CREB3L1: variants seen among roughly 807,000 people sequenced by gnomAD.
CREB3L1 encodes the protein cAMP responsive element binding protein 3 like 1, also known as cyclic AMP-responsive element-binding protein 3-like protein 1.
A neutral mutation model predicts 54.5 loss-of-function variants in CREB3L1; 33 were observed. The observed-to-expected ratio is 0.61, with a 90% CI of 0.46 to 0.81. The LOEUF is 0.81. Among genes scored for constraint, CREB3L1 ranks in the 30% least tolerant of loss-of-function variants. CREB3L1 has a pLI of 0.00. For synonymous variants in CREB3L1, 284 were observed against 286.4 expected (o/e 0.99, Z 0.08); for missense variants, 656 against 673.3 (o/e 0.97, Z 0.29).
At chr11:46,309,950 CA>C (rs1939459166) in intron 3 of CREB3L1, 38 bp from the exon 4 acceptor site, 2 of 1,528,032 alleles carry the variant, frequency 1.3e-6, no homozygotes, top group African/African-American at 2.7e-5. Flanking sequence ...GGGACAGACC[CA>C]GGGGCAGCTA....
intron 1 of CREB3L1, among the ~76,000 whole-genome samples, chr11:46,291,980 G>A (rs1332669472): frequency 6.6e-6 from 1 of 152,218 alleles, no homozygotes; most frequent in Non-Finnish European, 1.5e-5. Flanking sequence ...AGAGTGAGGC[G>A]GTAGGCTCCA....
At chr11:46,300,796 G>C (rs1939286329) in intron 2 of CREB3L1, among the ~76,000 whole-genome samples, 1 of 151,260 alleles carries the variant, frequency 6.6e-6, no homozygotes, top group African/African-American at 2.4e-5. Flanking sequence ...ACTAGGTCAG[G>C]AGATCGAGAC....
At chr11:46,316,983 C>G (rs1566193587) in intron 9 of CREB3L1, among the ~76,000 whole-genome samples, 1 of 152,200 alleles carries the variant, frequency 6.6e-6, no homozygotes, top group Non-Finnish European at 1.5e-5. Flanking sequence ...CCAGGCTCCT[C>G]AGAATCCTGC....
Position 46,313,145 on chromosome 11 carries a change from C to T in CREB3L1, c.1031+226C>T, listed in dbSNP as rs80213428. Among the ~76,000 whole-genome samples the T allele has an allele frequency of 5.9e-3, 894 of 152,258 alleles. 10 individuals carry two copies. Among genetic ancestry groups the T allele is most frequent in the African/African-American group, 0.021 (857 of 41,534 alleles). Reference sequence around the variant, plus strand: ...AGGGCTGGGGAGTTGCTTAAGTGAGCAGATGTTTTCAAAGTGTGGTCCTCA... The same window carrying T: ...AGGGCTGGGGAGTTGCTTAAGTGAGTAGATGTTTTCAAAGTGTGGTCCTCA... On this transcript the variant is annotated intron_variant, in intron 8 of 11. Transcript: ENST00000621158.
intron 1 of CREB3L1, among the ~76,000 whole-genome samples, chr11:46,294,102 G>T (rs908471021): frequency 6.6e-6 from 1 of 152,170 alleles, no homozygotes; most frequent in Non-Finnish European, 1.5e-5. Flanking sequence ...GAACCCCTCA[G>T]CCCACATCTG....
At position 46,321,088 on chromosome 11, in the gene CREB3L1, C is replaced by G. The variant is rs1412083272; in HGVS notation, c.*342C>G. The G allele has an allele frequency of 3.7e-6, 2 of 544,738 alleles. No individual in the cohort carries two copies. The highest frequency in any genetic ancestry group is 6.7e-6 in the Non-Finnish European group (2 of 298,126). The allele number at this position is 544,738 out of a possible 1,614,324, so 33.7% of individuals were successfully genotyped here. A position where few individuals can be genotyped will look rare whatever the true frequency, so the allele number is the denominator to read the frequency against. On this transcript the variant is annotated 3_prime_UTR_variant, in exon 12 of 12. Transcript: ENST00000621158. ...CATCAACGCACCCCACTCACAGACA[C>G]CCCTTACCCCACCCCCACTGTACAG...
chr11:46,305,005 G>GCT (rs1939358730), intron 2 of CREB3L1, among the ~76,000 whole-genome samples: 1 of 152,266 alleles, frequency 6.6e-6, no homozygotes, highest in Admixed American at 6.5e-5. Flanking sequence ...GGGCACTCAG[G>GCT]CTCCCAACAG....
Position 46,278,050 on chromosome 11 carries a change from G to A in CREB3L1, c.-62G>A. The A allele has an allele frequency of 1.9e-6, 2 of 1,059,776 alleles. No homozygotes were observed. Among genetic ancestry groups the A allele is most frequent in the South Asian group, 3.0e-5 (2 of 66,710 alleles). 65.6% of individuals were successfully genotyped at this position (1,059,776 alleles called of 1,614,324 possible). A position where few individuals can be genotyped will look rare whatever the true frequency, so the allele number is the denominator to read the frequency against. On this transcript the variant is annotated 5_prime_UTR_variant, in exon 1 of 12. Coordinates refer to ENST00000621158, the MANE Select transcript of CREB3L1 (RefSeq NM_052854.4). The surrounding 1 kb of genome is among the most constrained non-coding windows in gnomAD (Gnocchi z 4.2). Reference sequence around the variant, plus strand: ...GCGCTCAGGCAGGAGCTCTGGACTGGGCGCGCCGCCGCCCTGGAGTGAGGG... The same window carrying A: ...GCGCTCAGGCAGGAGCTCTGGACTGAGCGCGCCGCCGCCCTGGAGTGAGGG...
chr11:46,298,914 G>A (rs890990167), intron 1 of CREB3L1, among the ~76,000 whole-genome samples: 3 of 152,156 alleles, frequency 2.0e-5, no homozygotes, highest in Non-Finnish European at 4.4e-5. Context: ...ATCTTGGAAG[G>A]TAGGAACTAT....
intron 1 of CREB3L1, among the ~76,000 whole-genome samples, chr11:46,288,060 T>C (rs1407494805): frequency 6.6e-6 from 1 of 151,802 alleles, no homozygotes; most frequent in African/African-American, 2.4e-5. Context: ...CCAATTACAC[T>C]CTTTTTTTTA....
intron 2 of CREB3L1, among the ~76,000 whole-genome samples, chr11:46,304,691 T>TG (rs57949534): frequency 7.0e-6 from 1 of 142,862 alleles, no homozygotes; most frequent in South Asian, 2.3e-4. Flanking sequence ...ATTAATTTTT[T>TG]GGGGGGGGCG....
intron 1 of CREB3L1, 86 bp from the exon 2 acceptor site, chr11:46,299,848 TG>T (rs1268710612): frequency 2.7e-5 from 24 of 894,048 alleles, no homozygotes; most frequent in Non-Finnish European, 4.4e-5. Context: ...GTGGCCATGG[TG>T]GGGTGCTGCA....
In CREB3L1 at chr11:46,295,736, T is replaced by C. The variant is rs563647059; in HGVS notation, c.103-4199T>C. Among the ~76,000 whole-genome samples, 23 of 152,232 alleles carry C rather than the reference T, an allele frequency of 1.5e-4. No individual in the cohort carries two copies. Among genetic ancestry groups the C allele is most frequent in the Admixed American group, 1.2e-3 (18 of 15,302 alleles). On this transcript the variant is annotated intron_variant, in intron 1 of 11. Transcript: ENST00000621158. The surrounding 1 kb of genome is among the most constrained non-coding windows in gnomAD (Gnocchi z 4.6). ...TTCCGGTGAGGGGCGGCCCCGGGTG[T>C]TCCCGGGTTAACCCTTTGTGGGCCG...
chr11:46,304,569 A>G (rs544622465), intron 2 of CREB3L1, among the ~76,000 whole-genome samples: 49 of 152,238 alleles, frequency 3.2e-4, no homozygotes, highest in Non-Finnish European at 6.6e-4. Flanking sequence ...GAGATTCCCT[A>G]GGGGCAAAGA....
At chr11:46,317,560 G>T (rs1012127382) in intron 10 of CREB3L1, 73 bp downstream of exon 10, 2 of 1,575,738 alleles carry the variant, frequency 1.3e-6, no homozygotes, top group Non-Finnish European at 1.7e-6. Context: ...CCAGGCAGAA[G>T]CCAGACATAA....
chr11:46,299,540 T>C (rs750921243), intron 1 of CREB3L1, among the ~76,000 whole-genome samples: 12 of 152,214 alleles, frequency 7.9e-5, no homozygotes, highest in Non-Finnish European at 1.2e-4. Flanking sequence ...CACATCAGCC[T>C]ATGAAGGAAG....
At chr11:46,301,658 G>A (rs7927724) in intron 2 of CREB3L1, among the ~76,000 whole-genome samples, 45,601 of 142,384 alleles carry the variant, frequency 0.32, 7,217 homozygotes, top group African/African-American at 0.44. Flanking sequence ...GTGAGACTCC[G>A]TCCCAAAAAA....
At chr11:46,297,798 C>G (rs1348398304) in intron 1 of CREB3L1, among the ~76,000 whole-genome samples, 1 of 152,148 alleles carries the variant, frequency 6.6e-6, no homozygotes, top group Admixed American at 6.5e-5. Flanking sequence ...ACATTCCCCC[C>G]ACAACTCCCA....
At chr11:46,301,900 G>A (rs547511397) in intron 2 of CREB3L1, among the ~76,000 whole-genome samples, 59 of 151,394 alleles carry the variant, frequency 3.9e-4, no homozygotes, top group African/African-American at 1.3e-3. Flanking sequence ...GCAGTGAGTC[G>A]AGATCAAGCC....
Sources: gnomAD v4.1 joint callset for allele counts (sites outside exome capture counted in the v4.1 genomes callset) on GRCh38, gnomAD v4.1.1 for gene constraint, Gnocchi (gnomAD v3.1) non-coding constraint, MANE v1.5 for transcripts, NCBI Gene and HGNC (gene_info 2026-07-23, HGNC 2026-07-21) for gene names.